The following BRWD3 variants were observed in gnomAD, a reference collection of about 807,000 sequenced individuals.
BRWD3 encodes the protein bromodomain and WD repeat domain containing 3.
Under a neutral mutation model 149.7 loss-of-function variants are expected in BRWD3, and 10 were observed. The observed-to-expected ratio is 0.07, with a 90% CI of 0.04 to 0.11. The LOEUF is 0.11. BRWD3 is among the 10% of genes least tolerant of loss of function. The pLI is 1.00. For missense variants in BRWD3, 940 were observed against 1,373.2 expected (o/e 0.68, Z 4.99); for synonymous variants, 504 against 456.7 (o/e 1.10, Z -1.32).
At chrX:80,703,436 C>T (rs749306691) in intron 24 of BRWD3, 44 bp downstream of exon 24, 33 of 862,431 alleles carry the variant, frequency 3.8e-5, no homozygotes, top group South Asian at 2.2e-4. Flanking sequence ...AAAGTTAGTG[C>T]TCTTGAGGCT....
intron 6 of BRWD3, among the ~76,000 whole-genome samples, chrX:80,779,692 C>T (rs377303760): frequency 1.3e-4 from 15 of 111,585 alleles, no homozygotes; most frequent in East Asian, 2.8e-4. Context: ...AAAGAAGCCA[C>T]GAAAGCGACA....
At chrX:80,684,301 C>A (rs756916170) in intron 36 of BRWD3, 139 bp from the exon 37 acceptor site, 35 of 530,529 alleles carry the variant, frequency 6.6e-5, no homozygotes, top group Non-Finnish European at 1.0e-4. Context: ...CCCCACAACC[C>A]CAAAACATCT....
intron 5 of BRWD3, among the ~76,000 whole-genome samples, chrX:80,793,111 G>A (rs921500912): frequency 7.9e-5 from 7 of 88,832 alleles, no homozygotes; most frequent in Non-Finnish European, 1.3e-4. Context: ...GTGGTGAGCC[G>A]AGATCGCGCC....
chrX:80,803,120 A>G (rs1258875338), intron 4 of BRWD3, among the ~76,000 whole-genome samples: 5 of 43,381 alleles, frequency 1.2e-4, no homozygotes, highest in Non-Finnish European at 5.5e-4. Context: ...AAAAAAAAAA[A>G]AAAAAGAAAT....
chrX:80,773,626 A>C (rs920757340), intron 6 of BRWD3, among the ~76,000 whole-genome samples: 5 of 111,794 alleles, frequency 4.5e-5, no homozygotes, highest in Non-Finnish European at 9.4e-5. Context: ...TTAACATCCA[A>C]CCATAATTCC....
intron 19 of BRWD3, 119 bp from the exon 20 acceptor site, chrX:80,716,369 T>A: frequency 1.8e-6 from 1 of 561,029 alleles, no homozygotes; most frequent in Non-Finnish European, 2.9e-6. Context: ...TTTTTAAGCA[T>A]ATAATTCAGT....
intron 23 of BRWD3, among the ~76,000 whole-genome samples, chrX:80,704,447 T>C (rs1344254290): frequency 4.5e-5 from 5 of 112,164 alleles, no homozygotes; most frequent in Non-Finnish European, 7.5e-5. Flanking sequence ...TTTTAACAAA[T>C]GATTGTGAAT....
chrX:80,708,265 A>T (rs980637736), intron 21 of BRWD3, among the ~76,000 whole-genome samples: 2 of 110,182 alleles, frequency 1.8e-5, no homozygotes, highest in African/African-American at 6.6e-5. Flanking sequence ...GCATGGTGGC[A>T]TGCACCTGTA....
At chrX:80,726,679 G>C (rs989655745) in intron 14 of BRWD3, among the ~76,000 whole-genome samples, 2 of 110,157 alleles carry the variant, frequency 1.8e-5, no homozygotes, top group Non-Finnish European at 3.8e-5. Flanking sequence ...ATAGAATAGA[G>C]TATCCTACCA....
Position 80,736,092 on chromosome X carries a change from A to AT in BRWD3, c.814-5_814-4insA. On this transcript the variant is annotated splice_polypyrimidine_tract_variant and splice_region_variant and intron_variant, in intron 8 of 40. Coordinates refer to ENST00000373275, the MANE Select transcript of BRWD3 (RefSeq NM_153252.5). ...TGCCTTTAGTTGATGGACAAAACTT[A>AT]AAAAAAAAAAAATCTGATTCAAATA... 2.5e-6 allele frequency: 1 copy of AT among 407,209 alleles called. No individual in the cohort carries two copies. 33.6% of individuals were successfully genotyped at this position (407,209 alleles called of 1,213,427 possible).
At chrX:80,697,435 T>G (rs761489312) in intron 25 of BRWD3, among the ~76,000 whole-genome samples, 1 of 111,343 alleles carries the variant, frequency 9.0e-6, no homozygotes, top group East Asian at 2.8e-4. Context: ...TAGTAACCAC[T>G]GTAACAAATA....
intron 6 of BRWD3, among the ~76,000 whole-genome samples, chrX:80,758,885 T>G (rs2073773185): frequency 8.9e-6 from 1 of 112,193 alleles, no homozygotes; most frequent in African/African-American, 3.2e-5. Context: ...TCTTTTGACA[T>G]GTTAAGTCCT....
intron 6 of BRWD3, among the ~76,000 whole-genome samples, chrX:80,759,150 T>A (rs1158707752): frequency 3.6e-5 from 4 of 111,872 alleles, no homozygotes. Context: ...AAAGACTACA[T>A]TAGGTTTCTT....
chrX:80,692,909 A>G, intron 28 of BRWD3, 31 bp downstream of exon 28: 1 of 1,089,199 alleles, frequency 9.2e-7, no homozygotes, highest in African/African-American at 1.8e-5. Context: ...ACAATGTCAT[A>G]TTAGGCATAA....
At chrX:80,752,998 A>G (rs2073689323) in intron 6 of BRWD3, among the ~76,000 whole-genome samples, 1 of 111,613 alleles carries the variant, frequency 9.0e-6, no homozygotes, top group African/African-American at 3.3e-5. Context: ...GGCCATTTGC[A>G]CGTCTTCTTT....
chrX:80,735,044 G>A, intron 10 of BRWD3, 83 bp downstream of exon 10: 3 of 842,517 alleles, frequency 3.6e-6, no homozygotes, highest in Non-Finnish European at 3.5e-6. Context: ...ACTCAAATGT[G>A]TATCTTTTTT....
intron 4 of BRWD3, among the ~76,000 whole-genome samples, chrX:80,802,188 C>A (rs1354635556): frequency 9.0e-6 from 1 of 111,132 alleles, no homozygotes; most frequent in African/African-American, 3.3e-5. Flanking sequence ...CGCCTGTAAT[C>A]CCAACACTTT....
chrX:80,742,517 TC>T (rs1424629513), intron 8 of BRWD3, among the ~76,000 whole-genome samples: 84 of 110,078 alleles, frequency 7.6e-4, no homozygotes, highest in Non-Finnish European at 1.4e-3. Context: ...TACTGATTCT[TC>T]CTACCCATGA....
chrX:80,735,081 T>A, intron 10 of BRWD3, 46 bp downstream of exon 10: 1 of 1,040,578 alleles, frequency 9.6e-7, no homozygotes, highest in Non-Finnish European at 1.4e-6. Context: ...CACAACTGGA[T>A]CGTTAAATAT....
Sources: allele counts gnomAD v4.1 joint callset (sites outside exome capture counted in the v4.1 genomes callset), GRCh38; gene constraint gnomAD v4.1.1; transcripts MANE v1.5; gene names NCBI Gene and HGNC (gene_info 2026-07-23, HGNC 2026-07-21).